The following DLG1 variants were observed in gnomAD, a reference collection of about 807,000 sequenced individuals.
DLG1 encodes discs large MAGUK scaffold protein 1, also known as disks large homolog 1.
In DLG1, 42 loss-of-function variants were observed where a neutral mutation model predicts 123.4. The observed-to-expected ratio is 0.34, with a 90% CI of 0.27 to 0.44. DLG1 has a LOEUF of 0.44. Among genes scored for constraint, DLG1 ranks in the 20% least tolerant of loss-of-function variants. The probability of loss-of-function intolerance (pLI) is 1.00; values close to 1 mark genes in which losing one functional copy is unlikely to be tolerated. For missense variants in DLG1, 942 were observed against 1,082.6 expected (o/e 0.87, Z 1.82); for synonymous variants, 317 against 356.2 (o/e 0.89, Z 1.24).
chr3:197,101,217 C>T (rs954404574), intron 14 of DLG1, among the ~76,000 whole-genome samples: 2 of 152,108 alleles, frequency 1.3e-5, no homozygotes, highest in Non-Finnish European at 1.5e-5. Context: ...AGTTGTGTAA[C>T]TAGCAAATTA....
chr3:197,252,879 C>T (rs1384370272), intron 4 of DLG1, among the ~76,000 whole-genome samples: 3 of 152,006 alleles, frequency 2.0e-5, no homozygotes, highest in Middle Eastern at 3.2e-3. Flanking sequence ...CAGTGGGCAG[C>T]ATGTCAGTCT....
Position 197,176,675 on chromosome 3 carries a change from G to A in DLG1, c.483+17750C>T, listed in dbSNP as rs141190715. Among the ~76,000 whole-genome samples the A allele has an allele frequency of 2.1e-3, 313 of 152,146 alleles. 6 individuals are homozygous for A. In the East Asian group the frequency reaches 0.029, roughly 14 times the overall value. On this transcript the variant is annotated intron_variant, in intron 5 of 24. Transcript: ENST00000667157. ...AGTGCTGGGTGATATTCCATTGTCTGAATGCACCACACTTTATCCATGCAC... is the reference window on the plus strand; with the variant it reads ...AGTGCTGGGTGATATTCCATTGTCTAAATGCACCACACTTTATCCATGCAC...
chr3:197,187,985 A>G (rs1401460876), intron 5 of DLG1, among the ~76,000 whole-genome samples: 1 of 152,044 alleles, frequency 6.6e-6, no homozygotes, highest in Non-Finnish European at 1.5e-5. Context: ...TAACCCAATC[A>G]CTATCTTACT....
At chr3:197,264,967 T>TA in intron 4 of DLG1, among the ~76,000 whole-genome samples, 1 of 152,292 alleles carries the variant, frequency 6.6e-6, no homozygotes, top group South Asian at 2.1e-4. Flanking sequence ...TTAATATACC[T>TA]AATAATCCTT....
rs143504415 is a variant in DLG1 at position 197,211,503 on chromosome 3, T to C, written c.319-16914A>G. Among the ~76,000 whole-genome samples the C allele has an allele frequency of 1.4e-3, 206 of 146,776 alleles. 20 individuals carry two copies. The highest frequency in any genetic ancestry group is 9.9e-3 in the Admixed American group (145 of 14,626). On this transcript the variant is annotated intron_variant, in intron 4 of 24. Coordinates refer to ENST00000667157, the MANE Select transcript of DLG1 (RefSeq NM_001366207.1). ...GGTTCAATACACGCCAATCAATAAA[T>C]GTGATTCATCACATAAACAGAACTA...
intron 4 of DLG1, among the ~76,000 whole-genome samples, chr3:197,221,895 C>G (rs545339917): frequency 7.2e-5 from 11 of 152,314 alleles, no homozygotes; most frequent in African/African-American, 2.6e-4. Context: ...TCTGAAGATA[C>G]TCAAGTCCCC....
chr3:197,065,185 T>C (rs1738710848), intron 22 of DLG1, 91 bp downstream of exon 22: 4 of 1,195,024 alleles, frequency 3.3e-6, no homozygotes, highest in Non-Finnish European at 4.4e-6. Flanking sequence ...TTAACAAAAC[T>C]AATTAGTGCT....
At chr3:197,170,892 CTTGAG>C (rs1016260976) in intron 5 of DLG1, among the ~76,000 whole-genome samples, 1 of 152,240 alleles carries the variant, frequency 6.6e-6, no homozygotes, top group South Asian at 2.1e-4. Flanking sequence ...TTTAATCTAT[CTTGAG>C]TTAATTTTTG....
intron 14 of DLG1, among the ~76,000 whole-genome samples, chr3:197,103,502 T>C (rs750122848): frequency 6.6e-5 from 10 of 152,198 alleles, no homozygotes; most frequent in East Asian, 1.9e-4. Flanking sequence ...TAGGGTCCCA[T>C]TGGCAGATTT....
In DLG1 at chr3:197,068,513, C is replaced by G. The variant is rs1251452814; in HGVS notation, c.2047+706G>C. 2.5e-6 allele frequency: 4 copies of G among 1,581,548 alleles called. No individual in the cohort carries two copies. The South Asian group carries it at 4.5e-5, about 18-fold the overall frequency. On this transcript the variant is annotated intron_variant, in intron 19 of 24. Coordinates refer to ENST00000667157, the MANE Select transcript of DLG1 (RefSeq NM_001366207.1). Reference sequence around the variant, plus strand: ...TTAACAGGATGGACCTTTTGAGCAGCCATACTCATCTGTAATCAAGATTAC... The same window carrying G: ...TTAACAGGATGGACCTTTTGAGCAGGCATACTCATCTGTAATCAAGATTAC...
At chr3:197,260,361 A>G in intron 4 of DLG1, 1 of 368,638 alleles carries the variant, frequency 2.7e-6, no homozygotes, top group Non-Finnish European at 5.3e-6. Context: ...AAACATGTAA[A>G]TAAAAATAAA....
intron 13 of DLG1, among the ~76,000 whole-genome samples, chr3:197,112,251 T>C (rs548936128): frequency 6.6e-6 from 1 of 152,320 alleles, no homozygotes; most frequent in East Asian, 1.9e-4. Flanking sequence ...CTTTAGTGTA[T>C]AGTTAAGTTT....
chr3:197,228,412 C>G (rs1741073161), intron 4 of DLG1, among the ~76,000 whole-genome samples: 1 of 152,228 alleles, frequency 6.6e-6, no homozygotes, highest in Non-Finnish European at 1.5e-5. Context: ...TTAATACAGT[C>G]TGCCTTATTC....
At chr3:197,289,316 G>T (rs1305011215) in intron 3 of DLG1, among the ~76,000 whole-genome samples, 2 of 148,850 alleles carry the variant, frequency 1.3e-5, no homozygotes, top group Non-Finnish European at 3.0e-5. Flanking sequence ...AAATGAAGGT[G>T]GGGGGTGGCG....
At chr3:197,123,510 T>C (rs925942014) in intron 11 of DLG1, among the ~76,000 whole-genome samples, 1 of 152,058 alleles carries the variant, frequency 6.6e-6, no homozygotes, top group Non-Finnish European at 1.5e-5. Flanking sequence ...TAATTAATCA[T>C]CAGGAACAAC....
intron 13 of DLG1, among the ~76,000 whole-genome samples, chr3:197,108,849 A>C (rs1024118049): frequency 1.1e-4 from 17 of 152,186 alleles, no homozygotes; most frequent in African/African-American, 3.9e-4. Flanking sequence ...TGGAGTGCTT[A>C]ATCTGTTTAT....
intron 4 of DLG1, among the ~76,000 whole-genome samples, chr3:197,247,646 C>T (rs1752405567): frequency 6.6e-6 from 1 of 152,108 alleles, no homozygotes; most frequent in South Asian, 2.1e-4. Flanking sequence ...GTTCTTTGGT[C>T]CAAATGAAAC....
chr3:197,090,288 T>C (rs1160871048), intron 15 of DLG1, among the ~76,000 whole-genome samples: 1 of 140,150 alleles, frequency 7.1e-6, no homozygotes, highest in Admixed American at 7.4e-5. Flanking sequence ...CTGTTTTAAG[T>C]CTTATAAGCC....
chr3:197,242,956 G>C (rs1310489251), intron 4 of DLG1, among the ~76,000 whole-genome samples: 1 of 152,086 alleles, frequency 6.6e-6, no homozygotes, highest in African/African-American at 2.4e-5. Flanking sequence ...TTAGGCAAGA[G>C]GATGCCTTGT....
Sources: gnomAD v4.1 joint callset for allele counts (sites outside exome capture counted in the v4.1 genomes callset) on GRCh38, gnomAD v4.1.1 for gene constraint, MANE v1.5 for transcripts, NCBI Gene and HGNC (gene_info 2026-07-23, HGNC 2026-07-21) for gene names.